Variants in USP6 observed in about 807,000 individuals in gnomAD.
USP6 encodes the protein ubiquitin specific peptidase 6, also known as ubiquitin carboxyl-terminal hydrolase 6.
A neutral mutation model predicts 175.7 loss-of-function variants in USP6; 128 were observed. The observed-to-expected ratio is 0.73, with a 90% CI of 0.63 to 0.84. The LOEUF is 0.84. USP6 is among the 40% of genes least tolerant of loss of function. The pLI, the probability that USP6 is intolerant of heterozygous loss-of-function variation, is 0.00. For missense variants in USP6, 1,498 were observed against 1,760.3 expected (o/e 0.85, Z 2.67); for synonymous variants, 562 against 630.6 (o/e 0.89, Z 1.63).
At position 5,147,120 on chromosome 17, in the gene USP6, T is replaced by C; in HGVS notation, c.2357T>C (p.Val786Ala). The C allele has an allele frequency of 6.2e-7, 1 of 1,613,796 alleles. No individual in the cohort carries two copies. ...PQDNQKVQLS[V>A]SGFLCAFEIP... ...GATAACCAAAAAGTACAACTCTCAG[T>C]GAGCGGATTTTTGTGTGCATTTGAA... The change falls in exon 29 of 38, where the codon GTG becomes GCG. Residue 786 changes from valine (V) to alanine (A), a missense_variant. Physicochemically the swap from Val to Ala is moderately conservative, Grantham distance 64. Transcript: ENST00000574788.
At position 5,132,475 on chromosome 17, in the gene USP6, A is replaced by G. The variant is rs1345850356; in HGVS notation, c.195+40A>G. The G allele has an allele frequency of 6.2e-7, 1 of 1,611,990 alleles. No homozygotes were observed. On this transcript the variant is annotated intron_variant, in intron 12 of 37. Coordinates refer to ENST00000574788, the MANE Select transcript of USP6 (RefSeq NM_001304284.2). The surrounding 1 kb of genome is among the most constrained non-coding windows in gnomAD (Gnocchi z 4.7). ...CGTGGAGGGGCTGGTCCAGGGACGT[A>G]GGGACTGGGCGGGTGGTCAGTGAGG...
At chr17:5,144,184 C>G (rs1819114) in intron 25 of USP6, among the ~76,000 whole-genome samples, 3 of 151,656 alleles carry the variant, frequency 2.0e-5, no homozygotes, top group African/African-American at 7.3e-5. Context: ...TAGGATGCAA[C>G]AAGACCAGAA....
At position 5,122,794 on chromosome 17, in the gene USP6, CG is replaced by C. The variant is rs1436851178; in HGVS notation, c.-1299+1048del. On this transcript the variant is annotated intron_variant, in intron 4 of 37. Transcript: ENST00000574788. The stretch of plus-strand genomic sequence containing the variant: ...TCTCAGGTCCGGTAGGGCGAGGGGT[CG>C]GGGCCGGTGGGTAGGGCGCGGAGAG... Among the ~76,000 whole-genome samples, 12 of 152,314 alleles carry C rather than the reference CG, an allele frequency of 7.9e-5. No individual in the cohort carries two copies. The South Asian group carries it at 2.3e-3, about 29-fold the overall frequency.
Position 5,174,772 on chromosome 17 carries a change from TTAAC to T in USP6, c.*1797_*1800del, listed in dbSNP as rs1268950322. The T allele has an allele frequency of 1.1e-4, 22 of 199,898 alleles. No individual in the cohort carries two copies. Among genetic ancestry groups the T allele is most frequent in the Non-Finnish European group, 1.9e-4 (18 of 96,662 alleles). The allele number at this position is 199,898 out of a possible 1,614,324, so 12.4% of individuals were successfully genotyped here. On this transcript the variant is annotated 3_prime_UTR_variant, in exon 38 of 38. Transcript: ENST00000574788. ...ATGAACTAGCGGAAAATTTATTAAA[TTAAC>T]TATTAACTACATTCACCTTGTAAAT...
rs760970291 is a variant in USP6, at chr17:5,144,835, G to T, written c.1964G>T (p.Gly655Val). The T allele has an allele frequency of 1.4e-5, 22 of 1,606,182 alleles. No homozygotes were observed. Among genetic ancestry groups the T allele is most frequent in the East Asian group, 1.1e-4 (5 of 44,734 alleles). ...KPYVELKDSD[G>V]RPDWEVAAEA... The stretch of plus-strand genomic sequence containing the variant: ...TATGTGGAACTGAAGGACAGTGATG[G>T]CCGACCAGACTGGGAAGTAGCTGCA... The change falls in exon 26 of 38, where the codon GGC becomes GTC. Residue 655 changes from glycine to valine, a missense_variant. Physicochemically the swap from Gly to Val is moderately radical, Grantham distance 109. Around this residue, in one of 2 missense-constraint regions of USP6, gnomAD observed 1,217 missense variants for 1,500.8 expected, o/e 0.81. Transcript: ENST00000574788.
At position 5,141,461 on chromosome 17, in the gene USP6, C is replaced by G. The variant is rs2073444565; in HGVS notation, c.1535C>G (p.Ser512Cys). 1 of 1,608,826 alleles carries G rather than the reference C, an allele frequency of 6.2e-7. No homozygotes were observed. Among genetic ancestry groups the G allele is most frequent in the Non-Finnish European group, 8.5e-7 (1 of 1,178,122 alleles). ...NKDMSWPEEM[S>C]FTANSSKIDR... ...GATATGAGTTGGCCTGAGGAGATGT[C>G]TTTTACAGCAAATAGTAGTAAAATA... The change falls in exon 23 of 38, where the codon TCT becomes TGT. Residue 512 changes from serine (S) to cysteine (C), a missense_variant. By Grantham distance (112) the Ser-to-Cys change is moderately radical. This residue lies in a region of USP6 where 1,217 missense variants were observed against 1,500.8 expected (regional missense o/e 0.81). Coordinates refer to ENST00000574788, the MANE Select transcript of USP6 (RefSeq NM_001304284.2).
chr17:5,131,560 A>G (rs955945681), intron 11 of USP6, among the ~76,000 whole-genome samples: 1 of 150,846 alleles, frequency 6.6e-6, no homozygotes, highest in Non-Finnish European at 1.5e-5. Flanking sequence ...TACAGCCCTC[A>G]GTGTCCCCAT....
At chr17:5,145,290 A>G (rs1243151037) in intron 26 of USP6, 115 bp from the exon 27 acceptor site, 6 of 1,264,046 alleles carry the variant, frequency 4.7e-6, no homozygotes, top group Non-Finnish European at 5.3e-6. Flanking sequence ...AATGAAGAGT[A>G]AGGATTATAT....
At position 5,138,189 on chromosome 17, in the gene USP6, G is replaced by T; in HGVS notation, c.994G>T (p.Ala332Ser). The change falls in exon 21 of 38, where the codon GCC becomes TCC. Residue 332 changes from alanine (A) to serine (S), a missense_variant. Ala to Ser is a moderately conservative substitution (Grantham distance 99). Transcript: ENST00000574788. ...GCGGAACCAATTCTTCGATACCTGG[G>T]CCATGAACGATGACACCGTGCTCAA... ...RLRNQFFDTW[A>S]MNDDTVLKHL... 2 of 1,614,076 alleles carry T rather than the reference G, an allele frequency of 1.2e-6. No homozygotes were observed. Among genetic ancestry groups the T allele is most frequent in the Non-Finnish European group, 1.7e-6 (2 of 1,179,992 alleles).
rs143660181 is a variant in USP6 at position 5,131,218 on chromosome 17, G to A, written c.155+534G>A. On this transcript the variant is annotated intron_variant, in intron 11 of 37. Coordinates refer to ENST00000574788, the MANE Select transcript of USP6 (RefSeq NM_001304284.2). ...CCGAAGAGAATGGGGGAGAAGATGG[G>A]CAGGGCCCCGCTCTGGGCATCTCAC... Among the ~76,000 whole-genome samples, 875 of 152,072 alleles carry A rather than the reference G, an allele frequency of 5.8e-3. 1 individual carries two copies. Among genetic ancestry groups the A allele is most frequent in the Middle Eastern group, 0.014 (4 of 294 alleles).
rs2144171681 is a variant in USP6, at chr17:5,169,165, T to A, written c.3517+110T>A. 1.9e-5 allele frequency: 24 copies of A among 1,239,954 alleles called. No homozygotes were observed. The South Asian group carries it at 4.2e-4, about 22-fold the overall frequency. The allele number at this position is 1,239,954 out of a possible 1,614,324, so 76.8% of individuals were successfully genotyped here. A position where few individuals can be genotyped will look rare whatever the true frequency, so the allele number is the denominator to read the frequency against. The stretch of plus-strand genomic sequence containing the variant: ...AGGTTGGTTGGGTGGAAGGAACCTA[T>A]CTGGAATCAGACCTATCTGTATTTG... On this transcript the variant is annotated intron_variant, in intron 35 of 37. Transcript: ENST00000574788.
chr17:5,171,795 T>C (rs1361332783), intron 37 of USP6, 116 bp downstream of exon 37: 2 of 1,133,324 alleles, frequency 1.8e-6, no homozygotes, highest in Non-Finnish European at 2.5e-6. Context: ...AGAATTAATA[T>C]ATAGATGCTG....
chr17:5,119,542 C>T (rs1187896330), intron 2 of USP6, among the ~76,000 whole-genome samples: 1 of 152,192 alleles, frequency 6.6e-6, no homozygotes, highest in Non-Finnish European at 1.5e-5. Context: ...GGCCATGCTT[C>T]CAGTCCAGTT....
At chr17:5,143,321 A>C (rs1178618304) in intron 25 of USP6, among the ~76,000 whole-genome samples, 2 of 152,266 alleles carry the variant, frequency 1.3e-5, no homozygotes, top group East Asian at 3.8e-4. Flanking sequence ...AAAGGGGGAA[A>C]GGTGGGGAAA....
chr17:5,143,677 G>A (rs2073521840), intron 25 of USP6, among the ~76,000 whole-genome samples: 1 of 151,478 alleles, frequency 6.6e-6, no homozygotes, highest in African/African-American at 2.4e-5. Context: ...TTGTTTATCT[G>A]CTGACCTTCC....
intron 25 of USP6, among the ~76,000 whole-genome samples, chr17:5,143,657 C>T (rs2073521349): frequency 6.6e-6 from 1 of 151,816 alleles, no homozygotes; most frequent in Admixed American, 6.6e-5. Flanking sequence ...AACCAGAGAC[C>T]TTTGTTCACT....
chr17:5,141,991 T>C lies in USP6; in HGVS notation c.1574-12T>C. On this transcript the variant is annotated splice_polypyrimidine_tract_variant and intron_variant, in intron 23 of 37. Coordinates refer to ENST00000574788, the MANE Select transcript of USP6 (RefSeq NM_001304284.2). ...TACAGCTAAGCTTTGGTTCTCATAT[T>C]GTTTGTTCCAGTTCCCACAGAAAAG... is the stretch of plus-strand genomic sequence containing the variant. The C allele has an allele frequency of 6.2e-7, 1 of 1,608,320 alleles. No homozygotes were observed. The highest frequency in any genetic ancestry group is 8.5e-7 in the Non-Finnish European group (1 of 1,178,136).
chr17:5,125,734 G>C (rs1484623541), intron 5 of USP6, 87 bp from the exon 6 acceptor site: 2 of 147,370 alleles, frequency 1.4e-5, no homozygotes, highest in African/African-American at 2.6e-5. Context: ...TGTGTTTCAT[G>C]CCCTCACTAG....
chr17:5,137,820 T>C (rs2073307064), intron 20 of USP6, 70 bp downstream of exon 20: 25 of 1,595,936 alleles, frequency 1.6e-5, no homozygotes, highest in Non-Finnish European at 2.0e-5. Context: ...CAAGGGCAGC[T>C]TCCTCACACT....
Sources: allele counts gnomAD v4.1 joint callset (sites outside exome capture counted in the v4.1 genomes callset), GRCh38; gene constraint gnomAD v4.1.1; regional missense constraint gnomAD v4.1.1; non-coding constraint Gnocchi (gnomAD v3.1); transcripts MANE v1.5; gene names NCBI Gene and HGNC (gene_info 2026-07-23, HGNC 2026-07-21).